PLXNA4: variants seen among roughly 807,000 people sequenced by gnomAD.
PLXNA4 encodes the protein plexin A4, also known as plexin-A4.
PLXNA4 carries 44 observed loss-of-function variants against 191.8 expected under a neutral mutation model. The observed-to-expected ratio is 0.23, with a 90% CI of 0.18 to 0.29. The LOEUF (loss-of-function observed/expected upper bound fraction) is 0.29, where lower values mean the gene tolerates loss of function less well. Among genes scored for constraint, PLXNA4 ranks in the 10% least tolerant of loss-of-function variants. The probability of loss-of-function intolerance (pLI) is 1.00; values close to 1 mark genes in which losing one functional copy is unlikely to be tolerated. For missense variants in PLXNA4, 1,800 were observed against 2,488.8 expected (o/e 0.72, Z 5.89); for synonymous variants, 1,082 against 1,009.5 (o/e 1.07, Z -1.36).
intron 3 of PLXNA4, among the ~76,000 whole-genome samples, chr7:132,343,656 C>T (rs1334569590): frequency 3.3e-5 from 5 of 152,190 alleles, no homozygotes; most frequent in South Asian, 2.1e-4. Context: ...CAGTGCCTCA[C>T]GCCTGTAAAT....
chr7:132,234,596 TTGTGTG>T (rs60249306), intron 5 of PLXNA4, among the ~76,000 whole-genome samples: 32 of 144,156 alleles, frequency 2.2e-4, no homozygotes, highest in African/African-American at 6.5e-4. Flanking sequence ...AGCATGTGTT[TTGTGTG>T]TGTGTGTGTG....
intron 3 of PLXNA4, among the ~76,000 whole-genome samples, chr7:132,345,342 TA>T (rs1358480277): frequency 8.5e-5 from 13 of 152,256 alleles, no homozygotes; most frequent in Non-Finnish European, 1.6e-4. Flanking sequence ...AATGGTGAAC[TA>T]TAATAATCTG....
At chr7:132,294,474 G>T (rs201203828) in intron 4 of PLXNA4, among the ~76,000 whole-genome samples, 1 of 152,168 alleles carries the variant, frequency 6.6e-6, no homozygotes, top group African/African-American at 2.4e-5. Flanking sequence ...TTAAACGGAG[G>T]AATGACACTA....
chr7:132,313,881 T>C (rs1373071373), intron 3 of PLXNA4, among the ~76,000 whole-genome samples: 1 of 152,078 alleles, frequency 6.6e-6, no homozygotes, highest in African/African-American at 2.4e-5. Flanking sequence ...ACACATTCCA[T>C]AGATTACAGA....
intron 3 of PLXNA4, among the ~76,000 whole-genome samples, chr7:132,410,874 G>C (rs1321510883): frequency 6.6e-6 from 1 of 152,128 alleles, no homozygotes; most frequent in African/African-American, 2.4e-5. Context: ...ATCCATTCTA[G>C]GTGGAAACTC....
chr7:132,147,109 A>G (rs1303926108), intron 27 of PLXNA4, among the ~76,000 whole-genome samples: 1 of 152,196 alleles, frequency 6.6e-6, no homozygotes, highest in Non-Finnish European at 1.5e-5. Context: ...ATAACCGCTG[A>G]TCGGATGAGT....
chr7:132,170,862 G>T (rs1390872439), intron 21 of PLXNA4, among the ~76,000 whole-genome samples: 4 of 152,244 alleles, frequency 2.6e-5, no homozygotes, highest in Non-Finnish European at 4.4e-5. Context: ...CTGTGGTGCT[G>T]GTCCTTGGAG....
Position 132,127,838 on chromosome 7 carries a change from TATAACAAAAACATGGAATAAAA to T in PLXNA4, c.*2619_*2640del, listed in dbSNP as rs1360665003. ...TCTCTGAGGTGTTTGAAATTTTTCT[TATAACAAAAACATGGAATAAAA>T]TAAAGTCCTGTACCGCCAAAGTAAC... On this transcript the variant is annotated 3_prime_UTR_variant, in exon 32 of 32. Transcript: ENST00000321063. 1 of 149,440 alleles carries T rather than the reference TATAACAAAAACATGGAATAAAA, an allele frequency of 6.7e-6. No individual in the cohort carries two copies. The highest frequency in any genetic ancestry group is 2.4e-5 in the African/African-American group (1 of 41,336). 9.3% of individuals were successfully genotyped at this position (149,440 alleles called of 1,614,324 possible).
intron 9 of PLXNA4, among the ~76,000 whole-genome samples, chr7:132,212,236 A>G (rs1485390541): frequency 3.9e-5 from 6 of 152,158 alleles, no homozygotes; most frequent in Non-Finnish European, 5.9e-5. Flanking sequence ...TGGGCTCACC[A>G]CCAACTCTCA....
chr7:132,460,131 A>C (rs901895282), intron 3 of PLXNA4, among the ~76,000 whole-genome samples: 6 of 152,096 alleles, frequency 3.9e-5, no homozygotes, highest in Non-Finnish European at 5.9e-5. Flanking sequence ...AGTTGAGGGG[A>C]TCGCTTGAGC....
chr7:132,159,047 C>T (rs1336290610), intron 25 of PLXNA4, among the ~76,000 whole-genome samples: 1 of 152,206 alleles, frequency 6.6e-6, no homozygotes, highest in African/African-American at 2.4e-5. Flanking sequence ...AGGCATGGAA[C>T]TGAGCAGAAG....
At chr7:132,148,686 C>G (rs760474621) in intron 25 of PLXNA4, 40 bp from the exon 26 acceptor site, 1 of 1,613,130 alleles carries the variant, frequency 6.2e-7, no homozygotes, top group Admixed American at 1.7e-5. Context: ...GGCCCTATGA[C>G]CCCTCTTGTG....
chr7:132,148,540 C>CA lies in PLXNA4; in HGVS notation c.4764+2dup. 1 of 1,614,102 alleles carries CA rather than the reference C, an allele frequency of 6.2e-7. No individual in the cohort carries two copies. The highest frequency in any genetic ancestry group is 2.2e-5 in the East Asian group (1 of 44,880). On this transcript the variant is annotated splice_region_variant and intron_variant, in intron 26 of 31. Transcript: ENST00000321063. ...GCTCCTCCCCTTTCCACATTCCCCT[C>CA]ACCTGGTAGTGGGCCAGTGTGTTCA...
At chr7:132,620,231 G>A (rs1803235213) in intron 2 of PLXNA4, among the ~76,000 whole-genome samples, 1 of 152,176 alleles carries the variant, frequency 6.6e-6, no homozygotes, top group African/African-American at 2.4e-5. Context: ...ACCTACTCTT[G>A]TGATTTCTGA....
At chr7:132,450,241 C>T (rs1381914735) in intron 3 of PLXNA4, among the ~76,000 whole-genome samples, 1 of 152,148 alleles carries the variant, frequency 6.6e-6, no homozygotes, top group African/African-American at 2.4e-5. Flanking sequence ...CCACACAGTG[C>T]TGTGTTTGTG....
intron 2 of PLXNA4, among the ~76,000 whole-genome samples, chr7:132,492,087 G>A (rs576751621): frequency 6.6e-5 from 10 of 152,250 alleles, no homozygotes; most frequent in Admixed American, 3.9e-4. Context: ...CTCTGGCGTC[G>A]CAAACTCTGT....
chr7:132,469,394 C>T (rs1271762395), intron 3 of PLXNA4, among the ~76,000 whole-genome samples: 1 of 152,144 alleles, frequency 6.6e-6, no homozygotes, highest in African/African-American at 2.4e-5. Context: ...TCACTGTTTT[C>T]TCATTTTCCA....
At chr7:132,239,672 T>C (rs903746222) in intron 5 of PLXNA4, among the ~76,000 whole-genome samples, 7 of 152,182 alleles carry the variant, frequency 4.6e-5, no homozygotes, top group African/African-American at 1.4e-4. Context: ...TCTGAGCCAA[T>C]CTGCATTCTG....
chr7:132,335,246 T>C (rs1390689719), intron 3 of PLXNA4, among the ~76,000 whole-genome samples: 2 of 152,194 alleles, frequency 1.3e-5, no homozygotes, highest in African/African-American at 4.8e-5. Flanking sequence ...TATCAGAAAT[T>C]AGGATTCTAG....
Sources: allele counts gnomAD v4.1 joint callset (sites outside exome capture counted in the v4.1 genomes callset), GRCh38; gene constraint gnomAD v4.1.1; transcripts MANE v1.5; gene names NCBI Gene and HGNC (gene_info 2026-07-23, HGNC 2026-07-21).